Variants in NHSL2 observed in about 807,000 individuals in gnomAD.
NHSL2 encodes the protein NHS like 2, also known as NHS-like protein 2.
Under a neutral mutation model 53.4 loss-of-function variants are expected in NHSL2, and 27 were observed. The ratio of observed to expected loss-of-function variants is 0.51; its 90% CI spans 0.37 to 0.70. The LOEUF is 0.70. Ranked by LOEUF, NHSL2 falls within the 30% of genes least tolerant of loss-of-function variation. The pLI is 0.00. For missense variants in NHSL2, 892 were observed against 980.1 expected (o/e 0.91, Z 1.20); for synonymous variants, 408 against 404.1 (o/e 1.01, Z -0.12).
intron 1 of NHSL2, among the ~76,000 whole-genome samples, chrX:72,059,959 G>A (rs2042390611): frequency 8.9e-6 from 1 of 111,857 alleles, no homozygotes; most frequent in African/African-American, 3.3e-5. Context: ...AAGCTTTACT[G>A]AGGGGCGGCT....
At chrX:72,091,124 G>C (rs2041893545) in intron 1 of NHSL2, among the ~76,000 whole-genome samples, 1 of 112,097 alleles carries the variant, frequency 8.9e-6, no homozygotes, top group Non-Finnish European at 1.9e-5. Context: ...CTGGAAAGAA[G>C]TGGAATTGTT....
intron 1 of NHSL2, among the ~76,000 whole-genome samples, chrX:72,070,937 C>G (rs1043832811): frequency 8.9e-6 from 1 of 112,083 alleles, no homozygotes; most frequent in Non-Finnish European, 1.9e-5. Flanking sequence ...CAAAAGTGTG[C>G]CATGCTCCGG....
intron 1 of NHSL2, among the ~76,000 whole-genome samples, chrX:72,098,728 G>A (rs1259588162): frequency 2.7e-5 from 3 of 110,842 alleles, no homozygotes; most frequent in Admixed American, 9.5e-5. Context: ...TTTATGTTAC[G>A]TAAACCATTA....
chrX:72,023,771 T>C (rs2042171590), intron 1 of NHSL2, among the ~76,000 whole-genome samples: 1 of 111,375 alleles, frequency 9.0e-6, no homozygotes, highest in African/African-American at 3.3e-5. Flanking sequence ...AAGAGAAGCA[T>C]GGATTAGGAA....
chrX:72,134,824 C>T (rs2042342673), intron 4 of NHSL2, 120 bp downstream of exon 4: 5 of 550,316 alleles, frequency 9.1e-6, no homozygotes, highest in Admixed American at 6.3e-5. Flanking sequence ...GCTCACCTTG[C>T]GCTGTCACGG....
At chrX:71,974,509 C>G (rs1304314469) in intron 1 of NHSL2, among the ~76,000 whole-genome samples, 1 of 111,991 alleles carries the variant, frequency 8.9e-6, no homozygotes, top group Non-Finnish European at 1.9e-5. Flanking sequence ...TAATCTCATC[C>G]CTGGGAACCC....
rs762530643 is a variant in NHSL2 at position 72,034,579 on chromosome X, T to C, written c.281-97500T>C. 3.6e-5 allele frequency among the ~76,000 whole-genome samples: 4 copies of C among 112,141 alleles called. No homozygotes were observed. In the South Asian group the frequency reaches 1.5e-3, roughly 41 times the overall value. On this transcript the variant is annotated intron_variant, in intron 1 of 7. Coordinates refer to ENST00000633930, the MANE Select transcript of NHSL2 (RefSeq NM_001013627.3). ...CTGGACATTCTTTTTTGGAAGCTTT[T>C]AAAAATTGTAAATTCAGTTTTTGAA...
At chrX:71,919,946 T>G (rs2041648870) in intron 1 of NHSL2, among the ~76,000 whole-genome samples, 1 of 112,851 alleles carries the variant, frequency 8.9e-6, no homozygotes, top group Non-Finnish European at 1.9e-5. Context: ...CCTTGGGATG[T>G]CTGCATGGCT....
chrX:71,950,276 A>G (rs751558164), intron 1 of NHSL2, among the ~76,000 whole-genome samples: 223 of 112,958 alleles, frequency 2.0e-3, no homozygotes, highest in Middle Eastern at 4.6e-3. Context: ...GAGAAAGCCC[A>G]TGAGGGCAGG....
chrX:71,970,629 CT>C (rs147271370), intron 1 of NHSL2, among the ~76,000 whole-genome samples: 47 of 93,071 alleles, frequency 5.0e-4, no homozygotes, highest in East Asian at 1.3e-3. Flanking sequence ...TAATTTTGTT[CT>C]TTTTTTTTTT....
chrX:72,067,941 G>C (rs1312736305), intron 1 of NHSL2, among the ~76,000 whole-genome samples: 10 of 112,291 alleles, frequency 8.9e-5, no homozygotes, highest in Non-Finnish European at 1.7e-4. Flanking sequence ...CCTAGCAGGG[G>C]TAATATTCCA....
chrX:72,001,466 A>G (rs1465451746), intron 1 of NHSL2, among the ~76,000 whole-genome samples: 1 of 111,765 alleles, frequency 8.9e-6, no homozygotes, highest in African/African-American at 3.3e-5. Context: ...CACCCCTGCC[A>G]ATGAGGTATA....
chrX:72,101,439 G>T (rs2041992905), intron 1 of NHSL2, among the ~76,000 whole-genome samples: 1 of 110,477 alleles, frequency 9.1e-6, no homozygotes, highest in South Asian at 3.9e-4. Flanking sequence ...CAGCAGGCTT[G>T]GGTGCTCGGC....
intron 1 of NHSL2, among the ~76,000 whole-genome samples, chrX:71,978,647 T>C (rs978847857): frequency 9.0e-6 from 1 of 110,522 alleles, no homozygotes; most frequent in African/African-American, 3.3e-5. Flanking sequence ...AGGCTGGCCC[T>C]GGCCCTGGCA....
intron 1 of NHSL2, among the ~76,000 whole-genome samples, chrX:72,020,485 C>G (rs1050032332): frequency 8.9e-6 from 1 of 112,823 alleles, no homozygotes; most frequent in Non-Finnish European, 1.9e-5. Context: ...GGGCTCTGGA[C>G]GCAAACCACT....
At chrX:71,970,898 T>G (rs2147858696) in intron 1 of NHSL2, among the ~76,000 whole-genome samples, 1 of 111,444 alleles carries the variant, frequency 9.0e-6, no homozygotes, top group South Asian at 3.8e-4. Context: ...TCCTCCTGCC[T>G]CAGCCTCCCT....
At chrX:71,948,000 A>T (rs958060063) in intron 1 of NHSL2, among the ~76,000 whole-genome samples, 3 of 111,276 alleles carry the variant, frequency 2.7e-5, no homozygotes, top group African/African-American at 9.9e-5. Context: ...AAAAGAACTT[A>T]TTCATATAAC....
At chrX:71,980,553 TGTGTGGG>T (rs1249429170) in intron 1 of NHSL2, among the ~76,000 whole-genome samples, 341 of 2,401 alleles carry the variant, frequency 0.14, 4 homozygotes, top group South Asian at 0.44. Flanking sequence ...TGTGTGTGTG[TGTGTGGG>T]GTGTGTGGGG....
At chrX:72,047,037 T>G (rs985873019) in intron 1 of NHSL2, among the ~76,000 whole-genome samples, 1 of 111,946 alleles carries the variant, frequency 8.9e-6, no homozygotes, top group Non-Finnish European at 1.9e-5. Flanking sequence ...TAACTCAAAA[T>G]GCACTGTGAT....
Sources: allele counts gnomAD v4.1 joint callset (sites outside exome capture counted in the v4.1 genomes callset), GRCh38; gene constraint gnomAD v4.1.1; transcripts MANE v1.5; gene names NCBI Gene and HGNC (gene_info 2026-07-23, HGNC 2026-07-21).